COL13A1: variants seen among roughly 807,000 people sequenced by gnomAD.
The protein encoded by COL13A1 is collagen alpha-1(XIII) chain.
A neutral mutation model predicts 130.9 loss-of-function variants in COL13A1; 89 were observed. The observed-to-expected ratio is 0.68, with a 90% CI of 0.57 to 0.81. The LOEUF (loss-of-function observed/expected upper bound fraction) is 0.81, where lower values mean the gene tolerates loss of function less well. Ranked by LOEUF, COL13A1 falls within the 30% of genes least tolerant of loss-of-function variation. The probability of loss-of-function intolerance (pLI) is 0.00; values close to 1 mark genes in which losing one functional copy is unlikely to be tolerated. For missense variants in COL13A1, 879 were observed against 934.6 expected (o/e 0.94, Z 0.78); for synonymous variants, 402 against 341.6 (o/e 1.18, Z -1.95).
intron 34 of COL13A1, 41 bp from the exon 35 acceptor site, chr10:69,940,945 CCT>C (rs767808614): frequency 1.2e-6 from 2 of 1,613,772 alleles, no homozygotes. Context: ...CCCTCCCAAT[CCT>C]CTCTTCCCCT....
intron 1 of COL13A1, among the ~76,000 whole-genome samples, chr10:69,812,213 A>G (rs1204676870): frequency 6.6e-6 from 1 of 152,196 alleles, no homozygotes; most frequent in East Asian, 1.9e-4. Context: ...CTCCAGCCTC[A>G]TGGCTCACCT....
At chr10:69,869,341 G>C (rs2058834547) in intron 3 of COL13A1, among the ~76,000 whole-genome samples, 1 of 152,198 alleles carries the variant, frequency 6.6e-6, no homozygotes, top group Non-Finnish European at 1.5e-5. Context: ...GCCCAGTGCT[G>C]GCTGAAACCA....
chr10:69,881,895 C>A (rs901863231), intron 7 of COL13A1, among the ~76,000 whole-genome samples: 1 of 152,202 alleles, frequency 6.6e-6, no homozygotes, highest in Non-Finnish European at 1.5e-5. Flanking sequence ...AGGGCTGGCA[C>A]GTGGCTACAC....
intron 38 of COL13A1, among the ~76,000 whole-genome samples, chr10:69,947,939 A>C (rs112841700): frequency 5.1e-4 from 78 of 152,158 alleles, no homozygotes; most frequent in Admixed American, 1.3e-4. Context: ...CATGGCACCC[A>C]CAGCCACATA....
intron 14 of COL13A1, among the ~76,000 whole-genome samples, chr10:69,900,032 T>A (rs1190314536): frequency 1.3e-5 from 2 of 152,070 alleles, no homozygotes; most frequent in Non-Finnish European, 2.9e-5. Flanking sequence ...AGGCCACATA[T>A]CTCATTACGC....
intron 39 of COL13A1, chr10:69,956,669 C>G (rs1006763054): frequency 2.3e-5 from 6 of 262,914 alleles, no homozygotes; most frequent in Admixed American, 8.3e-5. Context: ...GAGTGGCTTA[C>G]CCGTGAGCAG....
At chr10:69,829,563 T>C (rs1280335560) in intron 2 of COL13A1, among the ~76,000 whole-genome samples, 3 of 152,230 alleles carry the variant, frequency 2.0e-5, no homozygotes, top group African/African-American at 7.2e-5. Context: ...AAGCTTGGAC[T>C]CTTGGCTCCA....
chr10:69,825,763 G>A (rs1418744890), intron 2 of COL13A1, among the ~76,000 whole-genome samples: 1 of 152,100 alleles, frequency 6.6e-6, no homozygotes, highest in Non-Finnish European at 1.5e-5. Context: ...GAAGGCCTGG[G>A]ACACATAATC....
At chr10:69,910,888 T>C (rs1412433668) in intron 17 of COL13A1, among the ~76,000 whole-genome samples, 1 of 152,220 alleles carries the variant, frequency 6.6e-6, no homozygotes, top group Non-Finnish European at 1.5e-5. Context: ...GCGCATTTGA[T>C]GCCTGTGGTG....
chr10:69,889,163 C>T (rs745916911), intron 9 of COL13A1, among the ~76,000 whole-genome samples: 2 of 152,248 alleles, frequency 1.3e-5, no homozygotes, highest in Non-Finnish European at 2.9e-5. Flanking sequence ...AGGGAGACTA[C>T]CCCCACCCCT....
intron 13 of COL13A1, 133 bp downstream of exon 13, chr10:69,895,709 G>A: frequency 1.1e-6 from 1 of 949,804 alleles, no homozygotes; most frequent in Non-Finnish European, 1.7e-6. Flanking sequence ...ACTGCCCTCT[G>A]CACTCAGCAG....
rs544459221 is a variant in COL13A1 at position 69,903,747 on chromosome 10, T to C, written c.858+892T>C. Among the ~76,000 whole-genome samples the C allele has an allele frequency of 5.3e-5, 8 of 152,344 alleles. No homozygotes were observed. The South Asian group carries it at 8.3e-4, about 16-fold the overall frequency. The stretch of plus-strand genomic sequence containing the variant: ...AATTAATTGTGAAAAGAATGGAACA[T>C]AGACAAAGAAACATAATGTTTGTGC... On this transcript the variant is annotated intron_variant, in intron 15 of 40. Transcript: ENST00000645393.
chr10:69,952,522 C>G (rs533666705), intron 38 of COL13A1, among the ~76,000 whole-genome samples: 1 of 152,296 alleles, frequency 6.6e-6, no homozygotes, highest in African/African-American at 2.4e-5. Flanking sequence ...CTTTCAAAAA[C>G]AGACTCAAAG....
intron 3 of COL13A1, among the ~76,000 whole-genome samples, chr10:69,868,881 C>T (rs1389873002): frequency 6.6e-6 from 1 of 152,162 alleles, no homozygotes; most frequent in Non-Finnish European, 1.5e-5. Flanking sequence ...GATCTTAATT[C>T]CTATCATCCA....
At chr10:69,867,646 T>C (rs1484098611) in intron 2 of COL13A1, among the ~76,000 whole-genome samples, 152 bp from the exon 3 acceptor site, 1 of 152,190 alleles carries the variant, frequency 6.6e-6, no homozygotes. Context: ...GAAGAGATTA[T>C]ATTGGTGAAA....
intron 2 of COL13A1, among the ~76,000 whole-genome samples, chr10:69,849,610 A>G (rs757622314): frequency 9.2e-5 from 14 of 152,178 alleles, no homozygotes; most frequent in Non-Finnish European, 1.3e-4. Context: ...CCCTCCTAGC[A>G]TGTGGGAACA....
intron 26 of COL13A1, 35 bp downstream of exon 26, chr10:69,925,907 A>C: frequency 9.2e-5 from 139 of 1,510,044 alleles, no homozygotes; most frequent in Non-Finnish European, 1.1e-4. Flanking sequence ...CAAGATCCTC[A>C]TGGATCTCAG....
chr10:69,805,048 C>A (rs768271956), intron 1 of COL13A1, among the ~76,000 whole-genome samples: 44 of 151,962 alleles, frequency 2.9e-4, no homozygotes, highest in Non-Finnish European at 6.3e-4. Flanking sequence ...AGGCTGGGGG[C>A]CAGAGGGAAT....
At position 69,902,834 on chromosome 10, in the gene COL13A1, G is replaced by T. The variant is rs375061351; in HGVS notation, c.837G>T (p.Leu279=). ...GPSGPLGHPG[L]PGPMGPPGLP... ...GTGGACCTCTGGGGCACCCAGGACT[G>T]CCAGGGCCTATGGGGCCACCTGTAA... is the stretch of plus-strand genomic sequence containing the variant. Residue 279 remains leucine (L), a synonymous_variant, in exon 15 of 41, where the codon CTG becomes CTT. Coordinates refer to ENST00000645393, the MANE Select transcript of COL13A1 (RefSeq NM_001368882.1). 68 of 1,542,092 alleles carry T rather than the reference G, an allele frequency of 4.4e-5. 1 individual carries two copies. In the Middle Eastern group the frequency reaches 5.0e-4, roughly 11 times the overall value.
Sources: gnomAD v4.1 joint callset for allele counts (sites outside exome capture counted in the v4.1 genomes callset) on GRCh38, gnomAD v4.1.1 for gene constraint, MANE v1.5 for transcripts, NCBI Gene and HGNC (gene_info 2026-07-23, HGNC 2026-07-21) for gene names.